COLQ: variants seen among roughly 807,000 people sequenced by gnomAD.
COLQ encodes the protein collagen like tail subunit of asymmetric acetylcholinesterase.
A neutral mutation model predicts 69.0 loss-of-function variants in COLQ; 48 were observed. That is an observed-to-expected ratio of 0.70 (90% confidence interval 0.55 to 0.88). The LOEUF (loss-of-function observed/expected upper bound fraction) is 0.88. Ranked by LOEUF, COLQ falls within the 40% of genes least tolerant of loss-of-function variation. The pLI, the probability that COLQ is intolerant of heterozygous loss-of-function variation, is 0.00. For missense variants in COLQ, 618 were observed against 594.6 expected (o/e 1.04, Z -0.41); for synonymous variants, 217 against 211.2 (o/e 1.03, Z -0.24).
intron 1 of COLQ, among the ~76,000 whole-genome samples, chr3:15,492,251 G>C (rs771359256): frequency 2.1e-4 from 32 of 152,196 alleles, no homozygotes; most frequent in Non-Finnish European, 4.0e-4. Flanking sequence ...TGTCCACCAT[G>C]TGATGTGATT....
At chr3:15,470,709 G>A in intron 10 of COLQ, 93 bp from the exon 11 acceptor site, 2 of 1,180,052 alleles carry the variant, frequency 1.7e-6, no homozygotes, top group Non-Finnish European at 1.3e-6. Context: ...TACGAGGGCA[G>A]TCTACTTGAT....
At chr3:15,499,250 A>G (rs531589590) in intron 1 of COLQ, among the ~76,000 whole-genome samples, 2 of 152,370 alleles carry the variant, frequency 1.3e-5, no homozygotes, top group East Asian at 1.9e-4. Flanking sequence ...ACATGCTTAA[A>G]TCTATCTGGT....
intron 3 of COLQ, among the ~76,000 whole-genome samples, chr3:15,483,119 T>C (rs1293909400): frequency 6.6e-6 from 1 of 152,146 alleles, no homozygotes; most frequent in Non-Finnish European, 1.5e-5. Flanking sequence ...TTATTAGTCT[T>C]GCTAGCGGTC....
intron 5 of COLQ, among the ~76,000 whole-genome samples, chr3:15,478,041 C>T (rs2062410576): frequency 6.6e-6 from 1 of 152,196 alleles, no homozygotes; most frequent in African/African-American, 2.4e-5. Flanking sequence ...AAGGGCTCAG[C>T]CCCTAAACCA....
chr3:15,521,466 C>T, intron 1 of COLQ, 54 bp downstream of exon 1: 2 of 1,610,138 alleles, frequency 1.2e-6, no homozygotes, highest in African/African-American at 1.3e-5. Flanking sequence ...AATCTTCCTT[C>T]CTCCCCCTGT....
rs190912382 is a variant in COLQ, at chr3:15,476,982, C to A, written c.465+144G>T. 95 of 825,060 alleles carry A rather than the reference C, an allele frequency of 1.2e-4. 1 individual carries two copies. In the African/African-American group the frequency reaches 1.4e-3, roughly 12 times the overall value. The allele number at this position is 825,060 out of a possible 1,614,324, so 51.1% of individuals were successfully genotyped here. On this transcript the variant is annotated intron_variant, in intron 6 of 16. Coordinates refer to ENST00000383788, the MANE Select transcript of COLQ (RefSeq NM_005677.4). Reference sequence around the variant, plus strand: ...CAAGTGAAGGAGGAAGTATCTGGGGCCCTGTGGCCAGTCCTTAAGCTCTCT... The same window carrying A: ...CAAGTGAAGGAGGAAGTATCTGGGGACCTGTGGCCAGTCCTTAAGCTCTCT...
chr3:15,509,898 C>T (rs1233918527), intron 1 of COLQ, among the ~76,000 whole-genome samples: 1 of 152,104 alleles, frequency 6.6e-6, no homozygotes, highest in Non-Finnish European at 1.5e-5. Context: ...TGGGGCTGGG[C>T]GCGGTGGCTC....
In COLQ at chr3:15,473,063, C is replaced by A. The variant is rs754046970; in HGVS notation, c.636+937G>T. Among the ~76,000 whole-genome samples, 1 of 151,582 alleles carries A rather than the reference C, an allele frequency of 6.6e-6. No individual in the cohort carries two copies. The highest frequency in any genetic ancestry group is 1.5e-5 in the Non-Finnish European group (1 of 67,954). On this transcript the variant is annotated intron_variant, in intron 10 of 16. Coordinates refer to ENST00000383788, the MANE Select transcript of COLQ (RefSeq NM_005677.4). The surrounding 1 kb of genome is among the most constrained non-coding windows in gnomAD (Gnocchi z 4.0). ...TTAGAGATGAGATAGTACTATATTG[C>A]CCAAGCTGAGTATTTTTTTCTTTAA...
intron 1 of COLQ, among the ~76,000 whole-genome samples, chr3:15,512,756 G>C (rs894378289): frequency 6.6e-6 from 1 of 152,200 alleles, no homozygotes; most frequent in Non-Finnish European, 1.5e-5. Context: ...ACTACTGAAA[G>C]TACTTTATGC....
chr3:15,467,657 A>C (rs1002486833), intron 11 of COLQ: 1 of 349,862 alleles, frequency 2.9e-6, no homozygotes, highest in African/African-American at 2.2e-5. Flanking sequence ...TCCCCTGAGC[A>C]ATTTGCTAAT....
intron 1 of COLQ, among the ~76,000 whole-genome samples, chr3:15,504,301 C>G (rs1031669739): frequency 6.6e-6 from 1 of 152,184 alleles, no homozygotes; most frequent in Non-Finnish European, 1.5e-5. Flanking sequence ...ACAACAGAGA[C>G]TTGTTTCTCA....
At chr3:15,509,763 G>C (rs1054435495) in intron 1 of COLQ, among the ~76,000 whole-genome samples, 1 of 152,212 alleles carries the variant, frequency 6.6e-6, no homozygotes, top group African/African-American at 2.4e-5. Flanking sequence ...CTGTGGAGTT[G>C]GGATTCTGAA....
chr3:15,461,873 T>C (rs894303045), intron 12 of COLQ, among the ~76,000 whole-genome samples: 7 of 151,596 alleles, frequency 4.6e-5, no homozygotes, highest in South Asian at 2.1e-4. Flanking sequence ...GTATATACAG[T>C]TTTTTCCCCC....
chr3:15,468,301 A>C (rs960088802), intron 11 of COLQ, among the ~76,000 whole-genome samples: 2 of 139,916 alleles, frequency 1.4e-5, no homozygotes, highest in Non-Finnish European at 3.1e-5. Flanking sequence ...TCTCAAGGAA[A>C]TTGTTTCTCA....
rs147163705 is a variant in COLQ at position 15,485,701 on chromosome 3, T to C, written c.321+2505A>G. 4.1e-4 allele frequency among the ~76,000 whole-genome samples: 63 copies of C among 152,344 alleles called. 2 individuals carry two copies. The East Asian group carries it at 9.3e-3, about 22-fold the overall frequency. On this transcript the variant is annotated intron_variant, in intron 3 of 16. Coordinates refer to ENST00000383788, the MANE Select transcript of COLQ (RefSeq NM_005677.4). Reference sequence around the variant, plus strand: ...GGCTGGGTGGGGTGGCTTATGCCTATAATCTCAGCACTTTGGGAGGCCAAT... The same window carrying C: ...GGCTGGGTGGGGTGGCTTATGCCTACAATCTCAGCACTTTGGGAGGCCAAT...
At chr3:15,493,895 C>T (rs1433201802) in intron 1 of COLQ, among the ~76,000 whole-genome samples, 3 of 152,206 alleles carry the variant, frequency 2.0e-5, no homozygotes, top group African/African-American at 4.8e-5. Flanking sequence ...ACCAGCCTGA[C>T]CAAATGGCGA....
chr3:15,482,888 G>T (rs996858469), intron 3 of COLQ, among the ~76,000 whole-genome samples: 1 of 152,128 alleles, frequency 6.6e-6, no homozygotes, highest in Non-Finnish European at 1.5e-5. Flanking sequence ...CAATTTCAGA[G>T]CCTGTTATTG....
intron 3 of COLQ, 144 bp downstream of exon 3, chr3:15,488,062 G>C: frequency 1.6e-6 from 1 of 640,216 alleles, no homozygotes. Context: ...TTCTATCCAA[G>C]TGGCTTTGGA....
chr3:15,474,852 C>G (rs1292597737), intron 8 of COLQ, 73 bp downstream of exon 8: 1 of 1,548,418 alleles, frequency 6.5e-7, no homozygotes, highest in Non-Finnish European at 8.9e-7. Context: ...TGGACCCATT[C>G]TCTGCATGTC....
Sources: gnomAD v4.1 joint callset for allele counts (sites outside exome capture counted in the v4.1 genomes callset) on GRCh38, gnomAD v4.1.1 for gene constraint, Gnocchi (gnomAD v3.1) non-coding constraint, MANE v1.5 for transcripts, NCBI Gene and HGNC (gene_info 2026-07-23, HGNC 2026-07-21) for gene names.